Variants in AAR2 observed in about 807,000 individuals in gnomAD.
AAR2 encodes the protein AAR2 splicing factor.
AAR2 carries 31 observed loss-of-function variants against 26.9 expected under a neutral mutation model. The ratio of observed to expected loss-of-function variants is 1.15; its 90% CI spans 0.86 to 1.55. The LOEUF is 1.55. AAR2 is among the 40% of genes most tolerant of loss of function. AAR2 has a pLI of 0.00. For synonymous variants in AAR2, 188 were observed against 196.1 expected (o/e 0.96, Z 0.34); for missense variants, 430 against 491.3 (o/e 0.88, Z 1.18).
At chr20:36,241,460 T>G (rs1225138077) in intron 2 of AAR2, among the ~76,000 whole-genome samples, 2 of 152,240 alleles carry the variant, frequency 1.3e-5, no homozygotes, top group East Asian at 1.9e-4. Context: ...TTCTCTGTTA[T>G]GGACCATTGA....
Position 36,240,330 on chromosome 20 carries a change from G to C in AAR2, c.462G>C (p.Gln154His), listed in dbSNP as rs201761855. Reference sequence around the variant, plus strand: ...AGAAGCTACAGCCCGAGAATCGACAGATCTGTGCCTTTTCCGATGTGCTAC... The same window carrying C: ...AGAAGCTACAGCCCGAGAATCGACACATCTGTGCCTTTTCCGATGTGCTAC... Reference protein sequence around the residue: ...TVEKLQPENRQICAFSDVLPV... With the variant: ...TVEKLQPENRHICAFSDVLPV... Residue 154 changes from glutamine to histidine, a missense_variant, in exon 2 of 4, where the codon CAG becomes CAC. By Grantham distance (24) the Gln-to-His change is conservative. Transcript: ENST00000320849. 258 of 1,614,134 alleles carry C rather than the reference G, an allele frequency of 1.6e-4. No individual in the cohort carries two copies. The highest frequency in any genetic ancestry group is 2.0e-4 in the Non-Finnish European group (233 of 1,180,058).
At chr20:36,243,239 T>C (rs2147289777) in intron 2 of AAR2, among the ~76,000 whole-genome samples, 1 of 152,366 alleles carries the variant, frequency 6.6e-6, no homozygotes, top group South Asian at 2.1e-4. Flanking sequence ...ATAAATGTCC[T>C]AAACGCAAAT....
At position 36,244,882 on chromosome 20, in the gene AAR2, G is replaced by A. The variant is rs201599475; in HGVS notation, c.943G>A (p.Val315Ile). Residue 315 changes from valine (V) to isoleucine (I), a missense_variant, in exon 3 of 4, where the codon GTA becomes ATA. Physicochemically the swap from Val to Ile is conservative, Grantham distance 29. Coordinates refer to ENST00000320849, the MANE Select transcript of AAR2 (RefSeq NM_001271874.2). ...TGGTGAGATCCCCGCTGACTTCTTC[G>A]TAGACATTGTCTCCCAAGACAACTT... Reference protein sequence around the residue: ...QLGEIPADFFVDIVSQDNFLT... With the variant: ...QLGEIPADFFIDIVSQDNFLT... 1.0e-4 allele frequency: 164 copies of A among 1,614,104 alleles called. 1 individual carries two copies. In the Middle Eastern group the frequency reaches 1.2e-3, roughly 11 times the overall value.
intron 3 of AAR2, among the ~76,000 whole-genome samples, chr20:36,253,261 C>T (rs2064794667): frequency 6.6e-6 from 1 of 152,176 alleles, no homozygotes; most frequent in Admixed American, 6.5e-5. Flanking sequence ...AGGTCTCCTG[C>T]GGCCCAGCAT....
At position 36,240,524 on chromosome 20, in the gene AAR2, G is replaced by C. The variant is rs764566378; in HGVS notation, c.656G>C (p.Gly219Ala). 1 of 1,613,992 alleles carries C rather than the reference G, an allele frequency of 6.2e-7. No homozygotes were observed. The highest frequency in any genetic ancestry group is 8.5e-7 in the Non-Finnish European group (1 of 1,180,026). The change falls in exon 2 of 4, where the codon GGT (glycine) becomes GCT (alanine). Residue 219 changes from glycine to alanine, a missense_variant. Physicochemically the swap from Gly to Ala is moderately conservative, Grantham distance 60. Transcript: ENST00000320849. ...CTGCCCACGCAGATGTTCCCAGAGGGTGCCACGCCAGCTGAGATAACCAAG... is the reference window on the plus strand; with the variant it reads ...CTGCCCACGCAGATGTTCCCAGAGGCTGCCACGCCAGCTGAGATAACCAAG... ...SELPTQMFPE[G>A]ATPAEITKHS...
chr20:36,245,455 T>C (rs1428261524), intron 3 of AAR2, among the ~76,000 whole-genome samples: 1 of 152,230 alleles, frequency 6.6e-6, no homozygotes, highest in African/African-American at 2.4e-5. Context: ...GAAAGAAGCT[T>C]CAAACAACTT....
At position 36,247,588 on chromosome 20, in the gene AAR2, T is replaced by C. The variant is rs375789658; in HGVS notation, c.987+2662T>C. 4.2e-3 allele frequency among the ~76,000 whole-genome samples: 633 copies of C among 152,260 alleles called. 5 individuals carry two copies. Among genetic ancestry groups the C allele is most frequent in the African/African-American group, 0.012 (506 of 41,546 alleles). On this transcript the variant is annotated intron_variant, in intron 3 of 3. Coordinates refer to ENST00000320849, the MANE Select transcript of AAR2 (RefSeq NM_001271874.2). ...AAAAAAAATTGTTGTAAAAAACAGC[T>C]GGTCCATGGTGGCTCACGCCTGTGA...
At chr20:36,247,818 G>C (rs1166825306) in intron 3 of AAR2, among the ~76,000 whole-genome samples, 1 of 151,990 alleles carries the variant, frequency 6.6e-6, no homozygotes, top group Non-Finnish European at 1.5e-5. Flanking sequence ...GCAGTGATTC[G>C]AGATTGCACC....
chr20:36,242,277 A>G (rs140891081), intron 2 of AAR2, among the ~76,000 whole-genome samples: 81 of 151,110 alleles, frequency 5.4e-4, no homozygotes, highest in African/African-American at 1.9e-3. Flanking sequence ...TCGGCTTCCC[A>G]AAGTGCTGGG....
intron 1 of AAR2, 107 bp from the exon 2 acceptor site, chr20:36,239,714 A>G: frequency 1.2e-6 from 1 of 850,916 alleles, no homozygotes; most frequent in Non-Finnish European, 1.7e-6. Context: ...ATTAAGGGAA[A>G]TAATTATGTC....
At position 36,240,146 on chromosome 20, in the gene AAR2, C is replaced by T; in HGVS notation, c.278C>T (p.Thr93Ile). The change falls in exon 2 of 4, where the codon ACA (threonine) becomes ATA (isoleucine). Residue 93 changes from threonine to isoleucine, a missense_variant. Coordinates refer to ENST00000320849, the MANE Select transcript of AAR2 (RefSeq NM_001271874.2). ...GGGCTGACAGTGCTGCGCTGGAGCACACTCAGGGAAGAGGTAGACCTGTCC... is the reference window on the plus strand; with the variant it reads ...GGGCTGACAGTGCTGCGCTGGAGCATACTCAGGGAAGAGGTAGACCTGTCC... ...QRGLTVLRWS[T>I]LREEVDLSPA... is the part of the protein sequence containing the mutation. 1 of 1,614,210 alleles carries T rather than the reference C, an allele frequency of 6.2e-7. No homozygotes were observed. The highest frequency in any genetic ancestry group is 8.5e-7 in the Non-Finnish European group (1 of 1,180,040).
In AAR2 at chr20:36,240,346, G is replaced by A. The variant is rs201609790; in HGVS notation, c.478G>A (p.Asp160Asn). ...PENRQICAFS[D>N]VLPVLSMKHT... Reference sequence around the variant, plus strand: ...GAATCGACAGATCTGTGCCTTTTCCGATGTGCTACCTGTGCTCTCCATGAA... The same window carrying A: ...GAATCGACAGATCTGTGCCTTTTCCAATGTGCTACCTGTGCTCTCCATGAA... Residue 160 changes from aspartate (D) to asparagine (N), a missense_variant, in exon 2 of 4, where the codon GAT becomes AAT. Physicochemically the swap from Asp to Asn is conservative, Grantham distance 23. Transcript: ENST00000320849. 2.1e-5 allele frequency: 34 copies of A among 1,614,204 alleles called. No individual in the cohort carries two copies. The highest frequency in any genetic ancestry group is 3.3e-4 in the Middle Eastern group (2 of 6,062).
intron 3 of AAR2, among the ~76,000 whole-genome samples, chr20:36,253,830 C>T (rs544600223): frequency 8.5e-5 from 13 of 152,320 alleles, no homozygotes; most frequent in East Asian, 1.9e-4. Flanking sequence ...CCAATGTGCA[C>T]ATGAAAACAT....
intron 2 of AAR2, among the ~76,000 whole-genome samples, chr20:36,242,252 A>G (rs1601176110): frequency 6.6e-6 from 1 of 151,276 alleles, no homozygotes; most frequent in Middle Eastern, 3.4e-3. Flanking sequence ...CTCGGGCCCA[A>G]GTGATCCTTC....
chr20:36,255,029 A>G (rs1445068478), intron 3 of AAR2, among the ~76,000 whole-genome samples: 2 of 152,264 alleles, frequency 1.3e-5, no homozygotes, highest in Non-Finnish European at 2.9e-5. Context: ...CATCATCATA[A>G]AGTCGAAGTG....
intron 3 of AAR2, among the ~76,000 whole-genome samples, chr20:36,250,181 G>A (rs1156258602): frequency 6.6e-6 from 1 of 152,210 alleles, no homozygotes; most frequent in Non-Finnish European, 1.5e-5. Context: ...GCTTTCACAT[G>A]TGTGACTAAA....
In AAR2 at chr20:36,244,008, CT is replaced by C. The variant is rs138162308; in HGVS notation, c.758-685del. 7.1e-3 allele frequency among the ~76,000 whole-genome samples: 1,079 copies of C among 152,304 alleles called. 11 individuals carry two copies. Among genetic ancestry groups the C allele is most frequent in the African/African-American group, 0.025 (1,033 of 41,574 alleles). On this transcript the variant is annotated intron_variant, in intron 2 of 3. Coordinates refer to ENST00000320849, the MANE Select transcript of AAR2 (RefSeq NM_001271874.2). The stretch of plus-strand genomic sequence containing the variant: ...CTGGAATAAGTACTCATGAATTTTT[CT>C]TTTGTGGGAGGTTCCAGAACTGTTC...
At chr20:36,241,251 A>G (rs528178519) in intron 2 of AAR2, among the ~76,000 whole-genome samples, 3 of 152,142 alleles carry the variant, frequency 2.0e-5, no homozygotes, top group South Asian at 2.1e-4. Flanking sequence ...TTTCATTTCA[A>G]TGTCTTCTCT....
chr20:36,240,209 A>G lies in AAR2; in HGVS notation c.341A>G (p.Asn114Ser). 6.2e-7 allele frequency: 1 copy of G among 1,614,112 alleles called. No individual in the cohort carries two copies. The highest frequency in any genetic ancestry group is 8.5e-7 in the Non-Finnish European group (1 of 1,180,002). ...PESEVEAMRA[N>S]LQELDQFLGP... Reference sequence around the variant, plus strand: ...TCTGAGGTGGAGGCCATGAGGGCCAACCTCCAGGAGCTGGACCAGTTCCTG... The same window carrying G: ...TCTGAGGTGGAGGCCATGAGGGCCAGCCTCCAGGAGCTGGACCAGTTCCTG... The change falls in exon 2 of 4, where the codon AAC becomes AGC. Residue 114 changes from asparagine (N) to serine (S), a missense_variant. Asn to Ser is a conservative substitution (Grantham distance 46). Coordinates refer to ENST00000320849, the MANE Select transcript of AAR2 (RefSeq NM_001271874.2).
Sources: gnomAD v4.1 joint callset for allele counts (sites outside exome capture counted in the v4.1 genomes callset) on GRCh38, gnomAD v4.1.1 for gene constraint, MANE v1.5 for transcripts, NCBI Gene and HGNC (gene_info 2026-07-23, HGNC 2026-07-21) for gene names.